Variants in CHRND observed in about 807,000 individuals in gnomAD.
The protein encoded by CHRND is cholinergic receptor nicotinic delta subunit.
A neutral mutation model predicts 57.8 loss-of-function variants in CHRND; 40 were observed. The observed-to-expected ratio is 0.69, with a 90% CI of 0.54 to 0.90. The LOEUF is 0.90. CHRND is among the 40% of genes least tolerant of loss of function. The pLI is 0.00. For synonymous variants in CHRND, 237 were observed against 270.6 expected, an observed-to-expected ratio of 0.88 and a Z score of 1.22; for missense variants, 634 against 673.9, an observed-to-expected ratio of 0.94 and a Z score of 0.66.
At chr2:232,533,870 C>CTT in intron 9 of CHRND, 61 bp from the exon 10 acceptor site, 1 of 1,522,964 alleles carries the variant, frequency 6.6e-7, no homozygotes, top group Non-Finnish European at 9.0e-7. Flanking sequence ...AATGAGACTC[C>CTT]GTCTCAAAAA....
At chr2:232,534,425 C>A in intron 11 of CHRND, 83 bp downstream of exon 11, 1 of 1,355,654 alleles carries the variant, frequency 7.4e-7, no homozygotes, top group Non-Finnish European at 1.1e-6. Flanking sequence ...GGCAGGGTTC[C>A]CCTTAGAGGC....
chr2:232,526,224 G>T lies in CHRND; in HGVS notation c.9G>T (p.Gly3=). ME[G]PVLTLGLLAA... is the part of the protein sequence containing the mutation. ...CCAGTCAGAGGGATGGGATGGAGGG[G>T]CCAGTGCTGACACTGGGGCTGCTGG... Residue 3 remains glycine, a synonymous_variant, in exon 1 of 12, where the codon GGG becomes GGT. Transcript: ENST00000258385. 6.2e-7 allele frequency: 1 copy of T among 1,612,728 alleles called. No individual in the cohort carries two copies. The highest frequency in any genetic ancestry group is 2.2e-5 in the East Asian group (1 of 44,860).
intron 2 of CHRND, 105 bp downstream of exon 2, chr2:232,526,779 C>A (rs1574627977): frequency 8.2e-7 from 1 of 1,217,442 alleles, no homozygotes; most frequent in Non-Finnish European, 1.2e-6. Context: ...CCTATGGCCA[C>A]TCCCTTCCTG....
intron 7 of CHRND, 98 bp from the exon 8 acceptor site, chr2:232,531,254 G>C: frequency 1.2e-6 from 1 of 832,670 alleles, no homozygotes; most frequent in Non-Finnish European, 2.1e-6. Context: ...GAGGTGCCAG[G>C]GGCCACAGCG....
chr2:232,526,398 C>T, intron 1 of CHRND, 131 bp downstream of exon 1: 1 of 1,534,814 alleles, frequency 6.5e-7, no homozygotes, highest in East Asian at 2.3e-5. Context: ...TCTGGGGTCC[C>T]CACTCCCAGG....
Position 232,527,400 on chromosome 2 carries a change from G to A in CHRND, c.199-1G>A, listed in dbSNP as rs1475136455. 2 of 1,612,396 alleles carry A rather than the reference G, an allele frequency of 1.2e-6. No homozygotes were observed. Among genetic ancestry groups the A allele is most frequent in the African/African-American group, 1.3e-5 (1 of 74,970 alleles). On this transcript the variant is annotated splice_acceptor_variant, in intron 2 of 11. Transcript: ENST00000258385. LOFTEE classifies it high-confidence loss of function. ...AGGATGGCCCTACCGTCTAATTACA[G>A]AAAGAAGTTGAGGAGACCCTCACTA...
rs1219388225 is a variant in CHRND, at chr2:232,528,622, C to A, written c.475C>A (p.Pro159Thr). 6.2e-7 allele frequency: 1 copy of A among 1,614,060 alleles called. No individual in the cohort carries two copies. The highest frequency in any genetic ancestry group is 1.7e-5 in the Admixed American group (1 of 60,000). The change falls in exon 5 of 12, where the codon CCC (proline) becomes ACC (threonine). Residue 159 changes from proline (P) to threonine (T), a missense_variant. Physicochemically the swap from Pro to Thr is conservative, Grantham distance 38 (BLOSUM62 -1). Transcript: ENST00000258385. ...SSCPISVTYFPFDWQNCSLKF... is the reference protein window; with the variant it reads ...SSCPISVTYFTFDWQNCSLKF... ...CTGCCCCATCTCTGTCACCTATTTC[C>A]CCTTCGACTGGCAGAACTGCTCCCT...
chr2:232,532,360 C>T (rs879685963), intron 9 of CHRND, among the ~76,000 whole-genome samples: 6 of 150,120 alleles, frequency 4.0e-5, no homozygotes, highest in South Asian at 2.1e-4. Context: ...CCCAGCTACT[C>T]GGGGGGCTGA....
rs928010807 is a variant in CHRND, at chr2:232,536,341, A to G, written c.*1029A>G. 24 of 454,024 alleles carry G rather than the reference A, an allele frequency of 5.3e-5. No homozygotes were observed. The highest frequency in any genetic ancestry group is 9.3e-5 in the Non-Finnish European group (21 of 226,804). 28.1% of individuals were successfully genotyped at this position (454,024 alleles called of 1,614,324 possible). Reference sequence around the variant, plus strand: ...CACTTCCCAGATTTGGTTAGGAAAGACACTATGGCCTCTTTCTTGCTCATT... The same window carrying G: ...CACTTCCCAGATTTGGTTAGGAAAGGCACTATGGCCTCTTTCTTGCTCATT... On this transcript the variant is annotated 3_prime_UTR_variant, in exon 12 of 12. Transcript: ENST00000258385.
At position 232,535,859 on chromosome 2, in the gene CHRND, G is replaced by A. The variant is rs2343841; in HGVS notation, c.*547G>A. ...TGACCTCTCTGCCTAGGTCCCTTTG[G>A]GAAGTTGAGGACTGGAGTGGAAAGG... On this transcript the variant is annotated 3_prime_UTR_variant, in exon 12 of 12. Coordinates refer to ENST00000258385, the MANE Select transcript of CHRND (RefSeq NM_000751.3). 2 of 453,878 alleles carry A rather than the reference G, an allele frequency of 4.4e-6. No homozygotes were observed. Among genetic ancestry groups the A allele is most frequent in the African/African-American group, 4.0e-5 (2 of 49,958 alleles). 28.1% of individuals were successfully genotyped at this position (453,878 alleles called of 1,614,324 possible). A position where few individuals can be genotyped will look rare whatever the true frequency, so the allele number is the denominator to read the frequency against.
chr2:232,527,637 G>T (rs1049785610), intron 3 of CHRND, among the ~76,000 whole-genome samples, 192 bp downstream of exon 3: 2 of 152,110 alleles, frequency 1.3e-5, no homozygotes, highest in African/African-American at 4.8e-5. Flanking sequence ...CCAGCTACTC[G>T]GGAAGCTGAG....
intron 5 of CHRND, 33 bp from the exon 6 acceptor site, chr2:232,528,829 C>T (rs1052640277): frequency 3.8e-6 from 6 of 1,589,844 alleles, no homozygotes; most frequent in Admixed American, 3.3e-5. Flanking sequence ...AGCCACTGGC[C>T]GAGTGTCACT....
rs1222578415 is a variant in CHRND, at chr2:232,535,484, G to A, written c.*172G>A. The A allele has an allele frequency of 3.6e-6, 3 of 837,858 alleles. No homozygotes were observed. The highest frequency in any genetic ancestry group is 2.0e-5 in the Admixed American group (1 of 50,090). The allele number at this position is 837,858 out of a possible 1,614,324, so 51.9% of individuals were successfully genotyped here. ...CAATGGCTCCCCTGAAATCAAGACAGGGGCCACCCGAGATGGTCTGAGGGT... is the reference window on the plus strand; with the variant it reads ...CAATGGCTCCCCTGAAATCAAGACAAGGGCCACCCGAGATGGTCTGAGGGT... On this transcript the variant is annotated 3_prime_UTR_variant, in exon 12 of 12. Transcript: ENST00000258385.
chr2:232,533,165 C>T (rs758025203), intron 9 of CHRND, among the ~76,000 whole-genome samples: 2 of 152,130 alleles, frequency 1.3e-5, no homozygotes, highest in South Asian at 2.1e-4. Context: ...GGATTACAGG[C>T]GCCCGCCACC....
rs1691844297 is a variant in CHRND, at chr2:232,535,239, A to G, written c.1481A>G (p.Tyr494Cys). Reference sequence around the variant, plus strand: ...GCCTGGATCTTCCTGCAGGGCGTTTACAACCAGCCACCACCCCAGCCTTTT... The same window carrying G: ...GCCTGGATCTTCCTGCAGGGCGTTTGCAACCAGCCACCACCCCAGCCTTTT... ...GTAWIFLQGV[Y>C]NQPPPQPFPG... is the part of the protein sequence containing the mutation. The change falls in exon 12 of 12, where the codon TAC becomes TGC. Residue 494 changes from tyrosine to cysteine, a missense_variant. Transcript: ENST00000258385. The G allele has an allele frequency of 1.2e-6, 2 of 1,614,182 alleles. No homozygotes were observed. Among genetic ancestry groups the G allele is most frequent in the Non-Finnish European group, 1.7e-6 (2 of 1,180,036 alleles).
intron 9 of CHRND, among the ~76,000 whole-genome samples, chr2:232,533,723 C>A (rs1051330004): frequency 1.3e-5 from 2 of 152,104 alleles, no homozygotes; most frequent in Non-Finnish European, 2.9e-5. Context: ...ACTAAAAATA[C>A]AAAAATTAGC....
intron 9 of CHRND, among the ~76,000 whole-genome samples, chr2:232,532,400 G>A (rs1337406765): frequency 6.7e-6 from 1 of 148,452 alleles, no homozygotes; most frequent in East Asian, 2.0e-4. Context: ...CTCGGGAGGT[G>A]GAGGTTGCAG....
intron 5 of CHRND, 41 bp from the exon 6 acceptor site, chr2:232,528,821 C>T (rs937558904): frequency 6.3e-7 from 1 of 1,587,288 alleles, no homozygotes; most frequent in Middle Eastern, 1.7e-4. Context: ...GTGGCCCCAG[C>T]CACTGGCCGA....
rs1463990841 is a variant in CHRND at position 232,535,797 on chromosome 2, C to T, written c.*485C>T. On this transcript the variant is annotated 3_prime_UTR_variant, in exon 12 of 12. Transcript: ENST00000258385. ...GAGGTTGAGGACACCTCCCTCCCTCCAGACCCCAGAGTATCCTTTCCTAGC... is the reference window on the plus strand; with the variant it reads ...GAGGTTGAGGACACCTCCCTCCCTCTAGACCCCAGAGTATCCTTTCCTAGC... 4 of 454,720 alleles carry T rather than the reference C, an allele frequency of 8.8e-6. No homozygotes were observed. The highest frequency in any genetic ancestry group is 6.2e-5 in the South Asian group (4 of 64,474). The allele number at this position is 454,720 out of a possible 1,614,324, so 28.2% of individuals were successfully genotyped here.
Sources: allele counts gnomAD v4.1 joint callset (sites outside exome capture counted in the v4.1 genomes callset), GRCh38; gene constraint gnomAD v4.1.1; transcripts MANE v1.5; gene names NCBI Gene and HGNC (gene_info 2026-07-23, HGNC 2026-07-21).